NPY: variants seen among roughly 807,000 people sequenced by gnomAD.
NPY encodes neuropeptide Y.
Under a neutral mutation model 13.2 loss-of-function variants are expected in NPY, and 11 were observed. The observed-to-expected ratio is 0.83, with a 90% confidence interval of 0.52 to 1.38. NPY has a LOEUF of 1.38. Among genes scored for constraint, NPY ranks in the 40% most tolerant of loss-of-function variants. The probability of loss-of-function intolerance (pLI) is 0.00; values close to 1 mark genes in which losing one functional copy is unlikely to be tolerated. For missense variants in NPY, 109 were observed against 125.1 expected (o/e 0.87, Z 0.61); for synonymous variants, 51 against 55.6 (o/e 0.92, Z 0.37).
intron 2 of NPY, among the ~76,000 whole-genome samples, chr7:24,289,092 G>A (rs748637573): frequency 1.3e-5 from 2 of 151,966 alleles, no homozygotes; most frequent in African/African-American, 2.4e-5. Context: ...AAACTGCTGT[G>A]TATCATCAGA....
At chr7:24,286,805 C>T (rs572845719) in intron 2 of NPY, among the ~76,000 whole-genome samples, 3 of 152,154 alleles carry the variant, frequency 2.0e-5, no homozygotes, top group South Asian at 2.1e-4. Context: ...TATGTTATGC[C>T]GTCATGCAGA....
rs185700854 is a variant in NPY at position 24,291,760 on chromosome 7, C to T, written c.*73C>T. 730 of 1,553,306 alleles carry T rather than the reference C, an allele frequency of 4.7e-4. 1 individual carries two copies. Among genetic ancestry groups the T allele is most frequent in the Non-Finnish European group, 4.1e-4 (462 of 1,125,522 alleles). ...TTTCATCGTGTAAAACGAGAATCCA[C>T]CCATCCTACCAATGCATGCAGCCAC... On this transcript the variant is annotated 3_prime_UTR_variant, in exon 4 of 4. Coordinates refer to ENST00000242152, the MANE Select transcript of NPY (RefSeq NM_000905.4).
chr7:24,285,526 T>C lies in NPY; in HGVS notation c.188+98T>C. 7.8e-7 allele frequency: 1 copy of C among 1,280,540 alleles called. No homozygotes were observed. The allele number at this position is 1,280,540 out of a possible 1,614,324, so 79.3% of individuals were successfully genotyped here. A position where few individuals can be genotyped will look rare whatever the true frequency, so the allele number is the denominator to read the frequency against. ...AAAGGGATTGTTTCTTTTCCTTCGC[T>C]CTATCCCAGGGCAGGACAGTATCAG... On this transcript the variant is annotated intron_variant, in intron 2 of 3. Transcript: ENST00000242152. The surrounding 1 kb of genome is among the most constrained non-coding windows in gnomAD (Gnocchi z 4.9).
At chr7:24,284,551 A>T (rs958140258) in intron 1 of NPY, among the ~76,000 whole-genome samples, 5 of 152,142 alleles carry the variant, frequency 3.3e-5, no homozygotes, top group African/African-American at 1.2e-4. Flanking sequence ...GCAGATATGG[A>T]GGGAGAACCC....
Position 24,285,129 on chromosome 7 carries a change from T to C in NPY, c.1-112T>C. The C allele has an allele frequency of 9.2e-7, 1 of 1,088,596 alleles. No homozygotes were observed. The highest frequency in any genetic ancestry group is 1.4e-6 in the Non-Finnish European group (1 of 723,420). 67.4% of individuals were successfully genotyped at this position (1,088,596 alleles called of 1,614,324 possible). A position where few individuals can be genotyped will look rare whatever the true frequency, so the allele number is the denominator to read the frequency against. On this transcript the variant is annotated intron_variant, in intron 1 of 3. Coordinates refer to ENST00000242152, the MANE Select transcript of NPY (RefSeq NM_000905.4). The surrounding 1 kb of genome is among the most constrained non-coding windows in gnomAD (Gnocchi z 4.9). ...CTGCGGGACTGGGACGAGAGCGGAT[T>C]GGGGGTCGCGTGTGGTAGCAGGAGG...
chr7:24,288,533 T>G (rs1002160276), intron 2 of NPY, among the ~76,000 whole-genome samples: 49 of 152,210 alleles, frequency 3.2e-4, no homozygotes, highest in African/African-American at 1.2e-3. Flanking sequence ...ATGCCTTTTC[T>G]GAGAAAGAGA....
At chr7:24,291,319 T>C (rs1257461025) in intron 3 of NPY, among the ~76,000 whole-genome samples, 1 of 152,198 alleles carries the variant, frequency 6.6e-6, no homozygotes, top group Non-Finnish European at 1.5e-5. Flanking sequence ...TGAGGAACAA[T>C]AACTTTCCTG....
chr7:24,288,687 G>GGA (rs1787480981), intron 2 of NPY, among the ~76,000 whole-genome samples: 2 of 89,044 alleles, frequency 2.2e-5, no homozygotes, highest in Admixed American at 2.6e-4. Context: ...TGCTACAGGA[G>GGA]AAAAAAAAAA....
intron 3 of NPY, among the ~76,000 whole-genome samples, chr7:24,290,252 G>C (rs1311262919): frequency 2.0e-5 from 3 of 152,104 alleles, no homozygotes; most frequent in East Asian, 3.9e-4. Context: ...AAGGTTTTCT[G>C]GTGCCTCCTG....
rs199612896 is a variant in NPY, at chr7:24,285,225, C to A, written c.1-16C>A. ...TGAATCCCCAAGCCCGTCCGTTGAG[C>A]CTTCTGTGCCTGCAGATGCTAGGTA... On this transcript the variant is annotated splice_polypyrimidine_tract_variant and intron_variant, in intron 1 of 3. Coordinates refer to ENST00000242152, the MANE Select transcript of NPY (RefSeq NM_000905.4). The surrounding 1 kb of genome is among the most constrained non-coding windows in gnomAD (Gnocchi z 4.9). 3 of 1,613,822 alleles carry A rather than the reference C, an allele frequency of 1.9e-6. No individual in the cohort carries two copies. The highest frequency in any genetic ancestry group is 2.2e-5 in the East Asian group (1 of 44,858).
rs1235458410 is a variant in NPY, at chr7:24,285,207, C to T, written c.1-34C>T. ...TGCTGCGCGTGGGTGCTCTGAATCC[C>T]CAAGCCCGTCCGTTGAGCCTTCTGT... On this transcript the variant is annotated intron_variant, in intron 1 of 3. Transcript: ENST00000242152. The surrounding 1 kb of genome is among the most constrained non-coding windows in gnomAD (Gnocchi z 4.9). 3 of 1,612,596 alleles carry T rather than the reference C, an allele frequency of 1.9e-6. No individual in the cohort carries two copies. The highest frequency in any genetic ancestry group is 2.5e-6 in the Non-Finnish European group (3 of 1,179,092).
At chr7:24,289,601 G>T in intron 3 of NPY, 22 bp downstream of exon 3, 1 of 1,593,720 alleles carries the variant, frequency 6.3e-7, no homozygotes, top group Non-Finnish European at 8.6e-7. Context: ...CTTGTGATGG[G>T]GACATTGTTG....
intron 3 of NPY, 76 bp from the exon 4 acceptor site, chr7:24,291,587 T>G: frequency 6.5e-7 from 1 of 1,542,798 alleles, no homozygotes; most frequent in Non-Finnish European, 8.9e-7. Flanking sequence ...ACTTCAGATC[T>G]AAATGTCTCA....
At chr7:24,288,609 G>C (rs1018606236) in intron 2 of NPY, among the ~76,000 whole-genome samples, 1 of 150,032 alleles carries the variant, frequency 6.7e-6, no homozygotes, top group African/African-American at 2.5e-5. Flanking sequence ...GTGTTCTGGA[G>C]TGGGGAGCAT....
intron 1 of NPY, 79 bp downstream of exon 1, chr7:24,284,354 T>A (rs1236743590): frequency 6.6e-6 from 1 of 152,386 alleles, no homozygotes; most frequent in Non-Finnish European, 1.5e-5. Flanking sequence ...AGCCTCCCGC[T>A]CTGTGGAGCC....
intron 1 of NPY, chr7:24,284,891 G>A (rs1411420070): frequency 8.0e-6 from 3 of 373,472 alleles, no homozygotes; most frequent in Admixed American, 8.6e-5. Flanking sequence ...GTTTGGGCAA[G>A]AAGGGAGAAA....
rs1787353097 is a variant in NPY, at chr7:24,285,972, T to G, written c.188+544T>G. 6.6e-6 allele frequency among the ~76,000 whole-genome samples: 1 copy of G among 152,212 alleles called. No homozygotes were observed. The highest frequency in any genetic ancestry group is 2.1e-4 in the South Asian group (1 of 4,832). ...AAATAGAGCTATTTTCTTTTCTTCT[T>G]CACTGTGTTTTTTTTGCAGTCTCAC... On this transcript the variant is annotated intron_variant, in intron 2 of 3. Coordinates refer to ENST00000242152, the MANE Select transcript of NPY (RefSeq NM_000905.4). The surrounding 1 kb of genome is among the most constrained non-coding windows in gnomAD (Gnocchi z 4.9).
intron 1 of NPY, chr7:24,284,910 A>C: frequency 2.4e-6 from 1 of 416,574 alleles, no homozygotes; most frequent in Admixed American, 4.0e-5. Context: ...AAAGTGACCC[A>C]GCAGGAAGAA....
intron 2 of NPY, among the ~76,000 whole-genome samples, chr7:24,286,931 C>T (rs1044209265): frequency 6.6e-6 from 1 of 152,266 alleles, no homozygotes. Context: ...AAGATGATTG[C>T]CATAAAGCTT....
Sources: allele counts gnomAD v4.1 joint callset (sites outside exome capture counted in the v4.1 genomes callset), GRCh38; gene constraint gnomAD v4.1.1; non-coding constraint Gnocchi (gnomAD v3.1); transcripts MANE v1.5; gene names NCBI Gene and HGNC (gene_info 2026-07-23, HGNC 2026-07-21).